The following TSNAX variants were observed in gnomAD, a reference collection of about 807,000 sequenced individuals.
TSNAX encodes the protein translin-associated protein X.
In TSNAX, 12 loss-of-function variants were observed where a neutral mutation model predicts 33.0. The observed-to-expected ratio is 0.36, with a 90% CI of 0.23 to 0.59. The LOEUF is 0.59. Ranked by LOEUF, TSNAX falls within the 20% of genes least tolerant of loss-of-function variation. The probability of loss-of-function intolerance (pLI) is 0.74; values close to 1 mark genes in which losing one functional copy is unlikely to be tolerated. For missense variants in TSNAX, 267 were observed against 341.3 expected (o/e 0.78, Z 1.72); for synonymous variants, 110 against 117.2 (o/e 0.94, Z 0.40).
chr1:231,540,041 C>T (rs1020098920), intron 3 of TSNAX, among the ~76,000 whole-genome samples: 3 of 151,792 alleles, frequency 2.0e-5, no homozygotes, highest in East Asian at 1.9e-4. Context: ...AAAAATTAGC[C>T]GGGCTTGGTG....
intron 2 of TSNAX, among the ~76,000 whole-genome samples, chr1:231,531,759 G>A (rs1382985944): frequency 6.6e-6 from 1 of 152,106 alleles, no homozygotes; most frequent in African/African-American, 2.4e-5. Context: ...GGCAGCTTGC[G>A]GGGCTGTGGA....
At chr1:231,556,491 T>G (rs531974310) in intron 4 of TSNAX, among the ~76,000 whole-genome samples, 1 of 152,230 alleles carries the variant, frequency 6.6e-6, no homozygotes, top group African/African-American at 2.4e-5. Flanking sequence ...GTTTGTGGTC[T>G]TATCAACAGC....
At chr1:231,551,998 A>C (rs1445632336) in intron 4 of TSNAX, among the ~76,000 whole-genome samples, 1 of 151,850 alleles carries the variant, frequency 6.6e-6, no homozygotes, top group African/African-American at 2.4e-5. Context: ...TCTCTTTTTA[A>C]AAAAAGAAAG....
Position 231,561,220 on chromosome 1 carries a change from T to G in TSNAX, c.460T>G (p.Phe154Val). Residue 154 changes from phenylalanine (F) to valine (V), a missense_variant, in exon 5 of 6, where the codon TTT becomes GTT. Transcript: ENST00000366639. ...SMDEINKQLI[F>V]TTEDNGKENK... ...GGATGAAATTAATAAACAATTGATA[T>G]TTACGACTGAAGACAATGGGAAAGA... 1 of 1,575,006 alleles carries G rather than the reference T, an allele frequency of 6.3e-7. No homozygotes were observed. Among genetic ancestry groups the G allele is most frequent in the Non-Finnish European group, 8.7e-7 (1 of 1,149,840 alleles).
intron 4 of TSNAX, among the ~76,000 whole-genome samples, chr1:231,560,477 C>T (rs1282408469): frequency 2.8e-5 from 3 of 108,332 alleles, no homozygotes; most frequent in Admixed American, 1.4e-4. Context: ...TGCAATGGTG[C>T]GGTCTTGGCT....
intron 5 of TSNAX, among the ~76,000 whole-genome samples, chr1:231,562,456 A>C (rs1025974262): frequency 6.6e-6 from 1 of 152,124 alleles, no homozygotes; most frequent in African/African-American, 2.4e-5. Context: ...TATTTTGAGA[A>C]GTAAAATTTC....
At chr1:231,549,380 A>C (rs769408968) in intron 4 of TSNAX, among the ~76,000 whole-genome samples, 5 of 152,164 alleles carry the variant, frequency 3.3e-5, no homozygotes, top group Non-Finnish European at 7.4e-5. Context: ...AGATTGCACC[A>C]CTGCACTCCA....
chr1:231,555,479 T>C (rs1660627311), intron 4 of TSNAX, among the ~76,000 whole-genome samples: 2 of 152,150 alleles, frequency 1.3e-5, no homozygotes, highest in South Asian at 4.1e-4. Context: ...AAGAATTCTG[T>C]AGATGAATGG....
chr1:231,541,123 C>T (rs1429734601), intron 3 of TSNAX, among the ~76,000 whole-genome samples: 1 of 151,988 alleles, frequency 6.6e-6, no homozygotes, highest in Non-Finnish European at 1.5e-5. Context: ...TTAAATCTAC[C>T]ATCTATTCTT....
chr1:231,536,032 TC>T (rs1397323467), intron 2 of TSNAX: 1 of 152,202 alleles, frequency 6.6e-6, no homozygotes, highest in Non-Finnish European at 1.5e-5. Context: ...TCTCCTACTT[TC>T]AGTTCTCTTC....
At chr1:231,532,449 T>TCC (rs1658827602) in intron 2 of TSNAX, among the ~76,000 whole-genome samples, 3 of 152,092 alleles carry the variant, frequency 2.0e-5, no homozygotes, top group Admixed American at 2.0e-4. Flanking sequence ...CCCCTTGGCC[T>TCC]CCCAAAGTGC....
chr1:231,544,087 G>A (rs577083949), intron 4 of TSNAX, among the ~76,000 whole-genome samples: 5 of 152,294 alleles, frequency 3.3e-5, no homozygotes, highest in Non-Finnish European at 5.9e-5. Context: ...TTCAGACAGA[G>A]TAGTCCTGCT....
At chr1:231,551,798 T>TAAA (rs750366346) in intron 4 of TSNAX, among the ~76,000 whole-genome samples, 3 of 77,724 alleles carry the variant, frequency 3.9e-5, no homozygotes, top group African/African-American at 1.2e-4. Context: ...TACAAAAAAG[T>TAAA]AAAAAAAAAA....
Position 231,542,505 on chromosome 1 carries a change from G to T in TSNAX, c.261G>T (p.Leu87Phe). 1 of 1,613,866 alleles carries T rather than the reference G, an allele frequency of 6.2e-7. No individual in the cohort carries two copies. The highest frequency in any genetic ancestry group is 1.1e-5 in the South Asian group (1 of 91,036). Residue 87 changes from leucine to phenylalanine, a missense_variant, in exon 4 of 6, where the codon TTG becomes TTT. This residue lies in a region of TSNAX where 200 missense variants were observed against 214.1 expected (regional missense o/e 0.93). Transcript: ENST00000366639. ...ITSAPDMEDI[L>F]TESEIKLDGV... ...GTGCTCCTGATATGGAAGATATATT[G>T]ACTGAATCAGAAATTAAATTGGATG...
At chr1:231,547,566 T>C (rs1338542173) in intron 4 of TSNAX, among the ~76,000 whole-genome samples, 1 of 151,392 alleles carries the variant, frequency 6.6e-6, no homozygotes, top group Non-Finnish European at 1.5e-5. Flanking sequence ...AATTTTTGTA[T>C]TTTTAGTAGA....
chr1:231,531,959 A>T (rs190309869), intron 2 of TSNAX, among the ~76,000 whole-genome samples: 3 of 151,502 alleles, frequency 2.0e-5, no homozygotes, highest in African/African-American at 7.3e-5. Flanking sequence ...AGTCCTGGCT[A>T]CTCCGGAGGG....
In TSNAX at chr1:231,560,215, G is replaced by A. The variant is rs990838896; in HGVS notation, c.368-913G>A. The stretch of plus-strand genomic sequence containing the variant: ...AGGATGGTCTGGATCTCCTGACCTC[G>A]TGATCCACCCGCCTGGGCCTCCCAA... On this transcript the variant is annotated intron_variant, in intron 4 of 5. Coordinates refer to ENST00000366639, the MANE Select transcript of TSNAX (RefSeq NM_005999.3). Among the ~76,000 whole-genome samples the A allele has an allele frequency of 2.1e-4, 32 of 151,456 alleles. No homozygotes were observed. In the East Asian group the frequency reaches 5.5e-3, roughly 26 times the overall value.
intron 4 of TSNAX, among the ~76,000 whole-genome samples, chr1:231,558,210 G>A (rs1258981842): frequency 1.3e-5 from 2 of 152,112 alleles, no homozygotes; most frequent in African/African-American, 4.8e-5. Flanking sequence ...CCTGCCCAAG[G>A]AGGTGGCTTA....
chr1:231,539,317 G>A (rs1302010838), intron 3 of TSNAX, among the ~76,000 whole-genome samples: 1 of 152,114 alleles, frequency 6.6e-6, no homozygotes, highest in Admixed American at 6.5e-5. Flanking sequence ...TATCCTAAAT[G>A]CTTGGGACTG....
Sources: allele counts gnomAD v4.1 joint callset (sites outside exome capture counted in the v4.1 genomes callset), GRCh38; gene constraint gnomAD v4.1.1; regional missense constraint gnomAD v4.1.1; transcripts MANE v1.5; gene names NCBI Gene and HGNC (gene_info 2026-07-23, HGNC 2026-07-21).